Variants in MYZAP observed in about 807,000 individuals in gnomAD.
The protein encoded by MYZAP is GRINL1A complex locus upstream.
Under a neutral mutation model 69.4 loss-of-function variants are expected in MYZAP, and 66 were observed. The ratio of observed to expected loss-of-function variants is 0.95; its 90% CI spans 0.78 to 1.17. MYZAP has a LOEUF of 1.17. Ranked by LOEUF, MYZAP falls within the 50% of genes most tolerant of loss-of-function variation. The pLI is 0.00. For missense variants in MYZAP, 611 were observed against 556.2 expected (o/e 1.10, Z -0.99); for synonymous variants, 256 against 205.9 (o/e 1.24, Z -2.09).
At chr15:57,643,634 A>G (rs1231838628) in intron 10 of MYZAP, among the ~76,000 whole-genome samples, 1 of 152,222 alleles carries the variant, frequency 6.6e-6, no homozygotes, top group African/African-American at 2.4e-5. Context: ...GATCTTAAGG[A>G]AAAAATCAAC....
intron 9 of MYZAP, among the ~76,000 whole-genome samples, chr15:57,638,528 A>C (rs1256748290): frequency 6.6e-6 from 1 of 152,196 alleles, no homozygotes; most frequent in Non-Finnish European, 1.5e-5. Context: ...TTTCAAAGTT[A>C]CAGGAGGCTT....
intron 1 of MYZAP, among the ~76,000 whole-genome samples, chr15:57,598,066 T>A (rs146061975): frequency 7.0e-4 from 107 of 152,294 alleles, no homozygotes; most frequent in African/African-American, 2.6e-3. Context: ...CCCTGTCACC[T>A]CCCTGAATCA....
intron 12 of MYZAP, among the ~76,000 whole-genome samples, chr15:57,682,070 G>T (rs1404749696): frequency 6.6e-6 from 1 of 152,126 alleles, no homozygotes; most frequent in African/African-American, 2.4e-5. Flanking sequence ...GATCTTGGTG[G>T]CTTAGCATGG....
At chr15:57,661,004 A>G (rs1162804279) in intron 10 of MYZAP, among the ~76,000 whole-genome samples, 4 of 152,208 alleles carry the variant, frequency 2.6e-5, no homozygotes, top group Non-Finnish European at 5.9e-5. Context: ...ATTGAATAAC[A>G]CAGCCAAATG....
At chr15:57,602,427 C>A (rs1370823519) in intron 1 of MYZAP, among the ~76,000 whole-genome samples, 1 of 152,130 alleles carries the variant, frequency 6.6e-6, no homozygotes, top group African/African-American at 2.4e-5. Flanking sequence ...ATGTGTGTCT[C>A]TCCCCAAATT....
chr15:57,615,893 G>C (rs2635384), intron 2 of MYZAP, among the ~76,000 whole-genome samples: 3,093 of 152,274 alleles, frequency 0.02, 117 homozygotes, highest in African/African-American at 0.071. Flanking sequence ...AGTGTGGGAA[G>C]AAGGGCAAGA....
chr15:57,646,695 G>A, intron 10 of MYZAP: 1 of 987,906 alleles, frequency 1.0e-6, no homozygotes, highest in Non-Finnish European at 1.2e-6. Context: ...GGTTCTATTT[G>A]TATATGGGAG....
Position 57,621,677 on chromosome 15 carries a change from C to A in MYZAP, c.388C>A (p.Arg130=), listed in dbSNP as rs375289402. 1.9e-6 allele frequency: 3 copies of A among 1,613,616 alleles called. No homozygotes were observed. The highest frequency in any genetic ancestry group is 2.7e-5 in the African/African-American group (2 of 74,890). Residue 130 remains arginine (R), a synonymous_variant, in exon 4 of 13, where the codon CGA becomes AGA. Transcript: ENST00000267853. ...GDYDEMRQKI[R]QLTQELSVSH... is the part of the protein sequence containing the mutation. ...CTATGATGAGATGAGACAGAAGATT[C>A]GACAGCTCACCCAGGAACTATCAGT...
chr15:57,628,869 G>A (rs1567215371), intron 5 of MYZAP, among the ~76,000 whole-genome samples: 1 of 152,074 alleles, frequency 6.6e-6, no homozygotes, highest in African/African-American at 2.4e-5. Flanking sequence ...TGGATCACGA[G>A]GTCAGGAGTT....
chr15:57,639,578 T>C (rs1398043901), intron 10 of MYZAP, 33 bp downstream of exon 10: 2 of 1,602,190 alleles, frequency 1.2e-6, no homozygotes, highest in South Asian at 2.2e-5. Context: ...AGGCCTGGGA[T>C]TGCTTCCTGT....
rs144915580 is a variant in MYZAP at position 57,656,540 on chromosome 15, C to A, written c.1120-4910C>A. ...AAAAATGAACCAAAGGCTTGAGAGT[C>A]AGATGTTCCTAGGAGGCTATCAAAC... On this transcript the variant is annotated intron_variant, in intron 10 of 12. Coordinates refer to ENST00000267853, the MANE Select transcript of MYZAP (RefSeq NM_001018100.5). 6.8e-3 allele frequency among the ~76,000 whole-genome samples: 1,031 copies of A among 152,258 alleles called. 13 individuals carry two copies. The highest frequency in any genetic ancestry group is 0.032 in the South Asian group (153 of 4,826).
Position 57,632,520 on chromosome 15 carries a change from A to G in MYZAP, c.765A>G (p.Glu255=), listed in dbSNP as rs772973581. Residue 255 remains glutamate, a synonymous_variant, in exon 7 of 13, where the codon GAA becomes GAG. Coordinates refer to ENST00000267853, the MANE Select transcript of MYZAP (RefSeq NM_001018100.5). ...GCCAGTATGAGGAGAAGCTGCAGGA[A>G]GAACAGAGGAAGCACAGTGCTGAGA... ...LYSQYEEKLQ[E]EQRKHSAEKE... is the part of the protein sequence containing the mutation. 6.8e-6 allele frequency: 11 copies of G among 1,614,122 alleles called. No individual in the cohort carries two copies. Among genetic ancestry groups the G allele is most frequent in the Non-Finnish European group, 9.3e-6 (11 of 1,180,034 alleles).
intron 1 of MYZAP, among the ~76,000 whole-genome samples, chr15:57,593,186 G>GCA (rs1491585190): frequency 5.1e-4 from 15 of 29,300 alleles, no homozygotes; most frequent in African/African-American, 1.9e-3. Context: ...GTGTACACAG[G>GCA]CGCACACACA....
intron 2 of MYZAP, among the ~76,000 whole-genome samples, chr15:57,610,546 T>A (rs1423919866): frequency 6.6e-6 from 1 of 152,212 alleles, no homozygotes; most frequent in East Asian, 1.9e-4. Context: ...GAGTCCCGGC[T>A]TCCTCATGAA....
chr15:57,648,952 TAA>T (rs1491244745), intron 10 of MYZAP, among the ~76,000 whole-genome samples: 9 of 151,054 alleles, frequency 6.0e-5, no homozygotes, highest in Admixed American at 2.0e-4. Flanking sequence ...TATATATATA[TAA>T]AATTAGTATG....
chr15:57,616,821 G>GTTTTTTTTTTTTTTTTTT (rs1595870389), intron 2 of MYZAP, among the ~76,000 whole-genome samples: 2 of 53,314 alleles, frequency 3.8e-5, no homozygotes, highest in Non-Finnish European at 6.8e-5. Flanking sequence ...AAAAAAAAGT[G>GTTTTTTTTTTTTTTTTTT]CTTTTTTTTT....
intron 5 of MYZAP, among the ~76,000 whole-genome samples, chr15:57,628,309 T>C (rs2036280118): frequency 6.6e-6 from 1 of 152,194 alleles, no homozygotes; most frequent in Non-Finnish European, 1.5e-5. Context: ...CTTGCTCTGT[T>C]GCGCAGGCTG....
intron 12 of MYZAP, among the ~76,000 whole-genome samples, chr15:57,676,124 T>A (rs1408752664): frequency 6.6e-6 from 1 of 152,128 alleles, no homozygotes; most frequent in Non-Finnish European, 1.5e-5. Context: ...CCTCGGTTTC[T>A]CAACTTCTAA....
At chr15:57,649,254 A>G (rs1387951370) in intron 10 of MYZAP, among the ~76,000 whole-genome samples, 1 of 152,216 alleles carries the variant, frequency 6.6e-6, no homozygotes, top group Non-Finnish European at 1.5e-5. Flanking sequence ...TGGGATTGGC[A>G]TAATTTCACC....
Sources: gnomAD v4.1 joint callset for allele counts (sites outside exome capture counted in the v4.1 genomes callset) on GRCh38, gnomAD v4.1.1 for gene constraint, MANE v1.5 for transcripts, NCBI Gene and HGNC (gene_info 2026-07-23, HGNC 2026-07-21) for gene names.